The following TFEC variants were observed in gnomAD, a reference collection of about 807,000 sequenced individuals.
TFEC encodes transcription factor EC.
A neutral mutation model predicts 41.6 loss-of-function variants in TFEC; 31 were observed. The ratio of observed to expected loss-of-function variants is 0.74; its 90% confidence interval spans 0.56 to 1.01. TFEC has a LOEUF of 1.01. TFEC is among the 50% of genes least tolerant of loss of function. The pLI is 0.00. For synonymous variants in TFEC, 143 were observed against 140.6 expected (o/e 1.02, Z -0.12); for missense variants, 402 against 404.1 (o/e 0.99, Z 0.04).
chr7:116,115,122 A>G (rs1797951307), intron 1 of TFEC, among the ~76,000 whole-genome samples: 1 of 152,010 alleles, frequency 6.6e-6, no homozygotes, highest in South Asian at 2.1e-4. Context: ...GGATGTTAAG[A>G]TGTATTTTTC....
chr7:116,069,350 T>TA (rs1015504411), intron 3 of TFEC, among the ~76,000 whole-genome samples: 1 of 151,202 alleles, frequency 6.6e-6, no homozygotes, highest in African/African-American at 2.4e-5. Flanking sequence ...TACAAATTTC[T>TA]AAAAAAAAGG....
intron 1 of TFEC, among the ~76,000 whole-genome samples, chr7:116,114,735 C>T (rs1300958617): frequency 2.0e-5 from 3 of 151,838 alleles, no homozygotes; most frequent in Non-Finnish European, 4.4e-5. Context: ...AAGCAGCATC[C>T]GAGAAATGCA....
chr7:116,047,880 G>GT (rs1347728147), intron 3 of TFEC, among the ~76,000 whole-genome samples: 1 of 152,200 alleles, frequency 6.6e-6, no homozygotes, highest in Non-Finnish European at 1.5e-5. Flanking sequence ...AGGGTCTGCA[G>GT]TGGACCTCCA....
chr7:116,052,750 T>C (rs900074314), intron 3 of TFEC, among the ~76,000 whole-genome samples: 4 of 151,070 alleles, frequency 2.6e-5, no homozygotes, highest in African/African-American at 4.9e-5. Context: ...TAACAGAGTG[T>C]GACTACCTGA....
At chr7:116,042,810 T>A (rs1197310927) in intron 3 of TFEC, among the ~76,000 whole-genome samples, 2 of 152,110 alleles carry the variant, frequency 1.3e-5, no homozygotes, top group Admixed American at 6.6e-5. Context: ...TTTAATTCAA[T>A]GGGGAAATTG....
intron 1 of TFEC, among the ~76,000 whole-genome samples, chr7:116,118,962 C>A (rs973395399): frequency 4.0e-5 from 6 of 151,838 alleles, no homozygotes; most frequent in African/African-American, 1.4e-4. Context: ...CTACAAAAAA[C>A]TTTCAATGAC....
chr7:115,946,438 T>TGTGTGC (rs1791561813), intron 6 of TFEC, among the ~76,000 whole-genome samples: 1 of 142,830 alleles, frequency 7.0e-6, no homozygotes, highest in Non-Finnish European at 1.5e-5. Flanking sequence ...TGTGTGTGTG[T>TGTGTGC]AGGGTCTTAT....
chr7:116,153,669 A>G (rs1181132530), intron 1 of TFEC, among the ~76,000 whole-genome samples: 1 of 152,226 alleles, frequency 6.6e-6, no homozygotes, highest in Non-Finnish European at 1.5e-5. Flanking sequence ...AGAGGAAAAA[A>G]AAAAGCTCTT....
chr7:116,106,594 T>G (rs1797723625), intron 3 of TFEC, among the ~76,000 whole-genome samples: 1 of 152,132 alleles, frequency 6.6e-6, no homozygotes. Flanking sequence ...TTGGCCAGAC[T>G]GGTCTCCAAT....
At chr7:116,107,337 G>C (rs992214598) in intron 3 of TFEC, among the ~76,000 whole-genome samples, 4 of 152,128 alleles carry the variant, frequency 2.6e-5, no homozygotes, top group African/African-American at 9.7e-5. Context: ...ACTGAGCATA[G>C]CACTTACCAT....
intron 3 of TFEC, among the ~76,000 whole-genome samples, chr7:116,054,544 G>A (rs578157364): frequency 3.3e-5 from 5 of 152,210 alleles, no homozygotes; most frequent in African/African-American, 7.2e-5. Context: ...AATGGTCAAC[G>A]AATAAAGTGA....
chr7:116,021,461 T>C (rs894351469), intron 1 of TFEC, among the ~76,000 whole-genome samples: 30 of 152,196 alleles, frequency 2.0e-4, no homozygotes, highest in African/African-American at 6.8e-4. Flanking sequence ...AAAAATGTGA[T>C]GGTGTTGTAG....
chr7:116,020,186 T>A (rs1257732505), intron 1 of TFEC, among the ~76,000 whole-genome samples: 3 of 152,172 alleles, frequency 2.0e-5, no homozygotes, highest in African/African-American at 7.2e-5. Flanking sequence ...CACTCACTAC[T>A]CACTACTGAG....
intron 3 of TFEC, among the ~76,000 whole-genome samples, chr7:115,967,768 T>C (rs1473097877): frequency 6.6e-6 from 1 of 151,768 alleles, no homozygotes; most frequent in Admixed American, 6.6e-5. Context: ...TGTGACTATA[T>C]ACAATAATAG....
At chr7:116,144,738 T>G (rs547644648) in intron 1 of TFEC, among the ~76,000 whole-genome samples, 6 of 152,290 alleles carry the variant, frequency 3.9e-5, no homozygotes, top group Admixed American at 6.5e-5. Flanking sequence ...GTTGAAAGCC[T>G]TAAGAGTAAA....
chr7:115,948,949 C>A (rs1406281920), intron 6 of TFEC, among the ~76,000 whole-genome samples: 1 of 151,494 alleles, frequency 6.6e-6, no homozygotes, highest in Non-Finnish European at 1.5e-5. Flanking sequence ...TGTAGAAAAC[C>A]CCATTGTCTC....
intron 1 of TFEC, among the ~76,000 whole-genome samples, chr7:116,001,351 G>A (rs914067514): frequency 1.3e-5 from 2 of 151,774 alleles, no homozygotes; most frequent in African/African-American, 2.4e-5. Flanking sequence ...AAAAATTAAC[G>A]AGACGTGGCA....
chr7:116,119,179 T>C (rs1042735397), intron 1 of TFEC, among the ~76,000 whole-genome samples: 5 of 151,802 alleles, frequency 3.3e-5, no homozygotes, highest in Admixed American at 3.3e-4. Context: ...TTTTACCAAA[T>C]AGAGAAGCTG....
chr7:116,141,769 G>C (rs1413854556), intron 1 of TFEC, among the ~76,000 whole-genome samples: 1 of 152,138 alleles, frequency 6.6e-6, no homozygotes, highest in African/African-American at 2.4e-5. Context: ...TTTAGGGAGG[G>C]CTCAAAGAAG....
Sources: allele counts gnomAD v4.1 joint callset (sites outside exome capture counted in the v4.1 genomes callset), GRCh38; gene constraint gnomAD v4.1.1; transcripts MANE v1.5; gene names NCBI Gene and HGNC (gene_info 2026-07-23, HGNC 2026-07-21).